The following CAPZA2 variants were observed in gnomAD, a reference collection of about 807,000 sequenced individuals.
CAPZA2 encodes the protein capping actin protein of muscle Z-line subunit alpha 2, also known as F-actin-capping protein subunit alpha-2.
CAPZA2 carries 13 observed loss-of-function variants against 44.0 expected under a neutral mutation model. That is an observed-to-expected ratio of 0.30 (90% CI 0.19 to 0.47). The LOEUF is 0.47. Ranked by LOEUF, CAPZA2 falls within the 20% of genes least tolerant of loss-of-function variation. The pLI is 1.00. For synonymous variants in CAPZA2, 94 were observed against 108.2 expected, an observed-to-expected ratio of 0.87 and a Z score of 0.81; for missense variants, 244 against 338.6, an observed-to-expected ratio of 0.72 and a Z score of 2.19.
intron 1 of CAPZA2, among the ~76,000 whole-genome samples, chr7:116,869,770 T>C (rs1175385404): frequency 6.6e-6 from 1 of 152,344 alleles, no homozygotes; most frequent in Non-Finnish European, 1.5e-5. Context: ...AGGGAAGTAA[T>C]TTAGCGTTCC....
intron 5 of CAPZA2, among the ~76,000 whole-genome samples, chr7:116,905,412 G>A (rs1585013044): frequency 6.6e-6 from 1 of 152,026 alleles, no homozygotes; most frequent in East Asian, 1.9e-4. Context: ...CTGTGACCAC[G>A]TGGCCTCTGC....
chr7:116,883,086 A>T (rs140403512), intron 1 of CAPZA2, among the ~76,000 whole-genome samples: 1 of 152,218 alleles, frequency 6.6e-6, no homozygotes, highest in East Asian at 1.9e-4. Flanking sequence ...TGGATAAGGA[A>T]AAAAAACATT....
At chr7:116,915,854 T>A (rs1242326174) in intron 8 of CAPZA2, 1 of 326,096 alleles carries the variant, frequency 3.1e-6, no homozygotes, top group Non-Finnish European at 5.6e-6. Flanking sequence ...AGCTGAACAT[T>A]GAGACCAGCT....
At chr7:116,869,414 A>G (rs1020284559) in intron 1 of CAPZA2, among the ~76,000 whole-genome samples, 2 of 152,208 alleles carry the variant, frequency 1.3e-5, no homozygotes, top group African/African-American at 4.8e-5. Flanking sequence ...CAGTGTTTCT[A>G]CTGGAAATGA....
intron 5 of CAPZA2, chr7:116,904,866 C>T (rs1313164948): frequency 6.5e-6 from 1 of 152,734 alleles, no homozygotes; most frequent in Non-Finnish European, 1.4e-5. Flanking sequence ...CACAGTGGCT[C>T]ACGCCTGTAA....
chr7:116,866,186 CTTT>C (rs545644928), intron 1 of CAPZA2, among the ~76,000 whole-genome samples: 4 of 141,186 alleles, frequency 2.8e-5, no homozygotes, highest in Non-Finnish European at 3.1e-5. Context: ...GTCCCATAGA[CTTT>C]TTTTTTTTTT....
At chr7:116,902,044 C>CA (rs1257276047) in intron 4 of CAPZA2, among the ~76,000 whole-genome samples, 2 of 151,670 alleles carry the variant, frequency 1.3e-5, no homozygotes, top group African/African-American at 4.8e-5. Context: ...ATGGAGTAGA[C>CA]AAAAAATCAT....
At chr7:116,914,140 G>A (rs1242216893) in intron 8 of CAPZA2, among the ~76,000 whole-genome samples, 2 of 147,884 alleles carry the variant, frequency 1.4e-5, no homozygotes, top group African/African-American at 5.0e-5. Context: ...CCATTCTCCT[G>A]CCTCAGCCTC....
intron 3 of CAPZA2, among the ~76,000 whole-genome samples, chr7:116,897,522 C>T (rs1249818040): frequency 6.6e-6 from 1 of 152,120 alleles, no homozygotes; most frequent in Non-Finnish European, 1.5e-5. Context: ...AGAGGAGACT[C>T]AGGAGCTAAT....
intron 4 of CAPZA2, among the ~76,000 whole-genome samples, chr7:116,902,555 T>C (rs1215366180): frequency 1.3e-5 from 2 of 152,152 alleles, no homozygotes; most frequent in Non-Finnish European, 2.9e-5. Context: ...GTAATATGGA[T>C]GGAAACATAC....
At chr7:116,905,306 C>T (rs1029200983) in intron 5 of CAPZA2, among the ~76,000 whole-genome samples, 1 of 152,056 alleles carries the variant, frequency 6.6e-6, no homozygotes, top group Non-Finnish European at 1.5e-5. Context: ...TTTTGAAATG[C>T]AAATCAGGTC....
Position 116,910,331 on chromosome 7 carries a change from T to C in CAPZA2, c.585+20T>C. 8.5e-7 allele frequency: 1 copy of C among 1,172,962 alleles called. No homozygotes were observed. Among genetic ancestry groups the C allele is most frequent in the Non-Finnish European group, 1.3e-6 (1 of 778,116 alleles). 72.7% of individuals were successfully genotyped at this position (1,172,962 alleles called of 1,614,324 possible). On this transcript the variant is annotated intron_variant, in intron 7 of 9. Coordinates refer to ENST00000361183, the MANE Select transcript of CAPZA2 (RefSeq NM_006136.3). ...ATTCAGGTATGAAAAATAATTTGTT[T>C]ACTGATCTTTAGATGATTCTGAACA...
chr7:116,911,276 T>C (rs1358111241), intron 7 of CAPZA2, among the ~76,000 whole-genome samples: 1 of 152,188 alleles, frequency 6.6e-6, no homozygotes, highest in East Asian at 1.9e-4. Flanking sequence ...TTTTGTTGAA[T>C]TGGTGGACTC....
At chr7:116,907,011 C>G (rs1279759476) in intron 6 of CAPZA2, among the ~76,000 whole-genome samples, 1 of 152,202 alleles carries the variant, frequency 6.6e-6, no homozygotes, top group Admixed American at 6.5e-5. Context: ...TGAATGAAAT[C>G]TTTACGTTTA....
intron 3 of CAPZA2, among the ~76,000 whole-genome samples, chr7:116,897,123 G>A (rs934471173): frequency 1.3e-5 from 2 of 151,846 alleles, no homozygotes; most frequent in Non-Finnish European, 2.9e-5. Context: ...TTATATTACG[G>A]GCAATAAAAG....
intron 8 of CAPZA2, among the ~76,000 whole-genome samples, chr7:116,913,407 G>T (rs1174741813): frequency 6.6e-6 from 1 of 151,858 alleles, no homozygotes; most frequent in Non-Finnish European, 1.5e-5. Context: ...TTACATTTAG[G>T]TCTATGATCT....
At chr7:116,866,517 A>G (rs769787187) in intron 1 of CAPZA2, among the ~76,000 whole-genome samples, 2 of 152,218 alleles carry the variant, frequency 1.3e-5, no homozygotes, top group African/African-American at 4.8e-5. Context: ...GGCCAAAAAC[A>G]GTTCATTTTC....
At chr7:116,871,451 A>G (rs1796553457) in intron 1 of CAPZA2, among the ~76,000 whole-genome samples, 1 of 152,040 alleles carries the variant, frequency 6.6e-6, no homozygotes, top group Non-Finnish European at 1.5e-5. Flanking sequence ...TAACCTTGTT[A>G]TTATCTTCAT....
intron 4 of CAPZA2, among the ~76,000 whole-genome samples, chr7:116,903,081 G>T (rs967135643): frequency 2.0e-5 from 3 of 152,168 alleles, no homozygotes; most frequent in Admixed American, 2.0e-4. Context: ...TAAAGAGATG[G>T]CACATCAGTA....
Sources: gnomAD v4.1 joint callset for allele counts (sites outside exome capture counted in the v4.1 genomes callset) on GRCh38, gnomAD v4.1.1 for gene constraint, MANE v1.5 for transcripts, NCBI Gene and HGNC (gene_info 2026-07-23, HGNC 2026-07-21) for gene names.